The following FHIT variants were observed in gnomAD, a reference collection of about 807,000 sequenced individuals.
The protein encoded by FHIT is fragile histidine triad diadenosine triphosphatase.
FHIT carries 19 observed loss-of-function variants against 17.9 expected under a neutral mutation model. The observed-to-expected ratio is 1.06, with a 90% confidence interval of 0.74 to 1.56. The LOEUF is 1.56. FHIT is among the 40% of genes most tolerant of loss of function. The pLI, the probability that FHIT is intolerant of heterozygous loss-of-function variation, is 0.00. For missense variants in FHIT, 248 were observed against 189.2 expected, an observed-to-expected ratio of 1.31 and a Z score of -1.82; for synonymous variants, 81 against 69.7, an observed-to-expected ratio of 1.16 and a Z score of -0.81.
intron 4 of FHIT, among the ~76,000 whole-genome samples, chr3:60,688,544 G>A (rs537748847): frequency 1.1e-4 from 16 of 151,006 alleles, no homozygotes; most frequent in South Asian, 4.2e-4. Flanking sequence ...TGATTCTCCC[G>A]CCTCAGCCTC....
chr3:60,294,357 G>A (rs1300057141), intron 5 of FHIT, among the ~76,000 whole-genome samples: 1 of 152,158 alleles, frequency 6.6e-6, no homozygotes, highest in Non-Finnish European at 1.5e-5. Flanking sequence ...AGGGACCTCA[G>A]AGATGAATCA....
chr3:61,161,885 C>G (rs1206305655), intron 2 of FHIT, among the ~76,000 whole-genome samples: 1 of 152,216 alleles, frequency 6.6e-6, no homozygotes, highest in Non-Finnish European at 1.5e-5. Flanking sequence ...AATTCTGTCT[C>G]CTTGTACAAT....
chr3:60,315,106 G>A (rs1370205187), intron 5 of FHIT, among the ~76,000 whole-genome samples: 1 of 152,062 alleles, frequency 6.6e-6, no homozygotes, highest in Non-Finnish European at 1.5e-5. Context: ...GAGAGAAAGG[G>A]AAAGATGCCC....
intron 5 of FHIT, among the ~76,000 whole-genome samples, chr3:60,403,980 C>A (rs191012387): frequency 4.6e-5 from 7 of 152,214 alleles, no homozygotes; most frequent in African/African-American, 1.2e-4. Flanking sequence ...ACTTTGCAAA[C>A]CCCCAGCTTT....
chr3:59,907,628 C>T lies in FHIT; in HGVS notation c.348+14718G>A, dbSNP rs577809265. 1.5e-4 allele frequency among the ~76,000 whole-genome samples: 23 copies of T among 152,264 alleles called. No individual in the cohort carries two copies. The East Asian group carries it at 2.9e-3, about 19-fold the overall frequency. ...ATGTGTGTGCATGTGTGCACTGGGG[C>T]AGGGTGTGCTCTACCCTTGCCTTTT... is the stretch of plus-strand genomic sequence containing the variant. On this transcript the variant is annotated intron_variant, in intron 8 of 9. Coordinates refer to ENST00000492590, the MANE Select transcript of FHIT (RefSeq NM_002012.4).
intron 3 of FHIT, among the ~76,000 whole-genome samples, chr3:60,837,349 T>C (rs1354091792): frequency 6.6e-6 from 1 of 152,150 alleles, no homozygotes; most frequent in Non-Finnish European, 1.5e-5. Context: ...ATATTGGTAA[T>C]TTGTGTCTTT....
intron 7 of FHIT, among the ~76,000 whole-genome samples, chr3:60,008,746 A>G (rs1700016368): frequency 1.3e-5 from 2 of 152,226 alleles, no homozygotes; most frequent in Non-Finnish European, 2.9e-5. Context: ...TGAATTCCAA[A>G]ATATGAAATG....
At chr3:61,171,453 C>G (rs1576146207) in intron 2 of FHIT, among the ~76,000 whole-genome samples, 1 of 152,114 alleles carries the variant, frequency 6.6e-6, no homozygotes, top group African/African-American at 2.4e-5. Context: ...CTTTCATTAT[C>G]TCTATAATCT....
chr3:60,102,380 T>C (rs1704230226), intron 5 of FHIT, among the ~76,000 whole-genome samples: 1 of 152,128 alleles, frequency 6.6e-6, no homozygotes, highest in Non-Finnish European at 1.5e-5. Flanking sequence ...AAAGTTCAGG[T>C]GAGACATGGA....
At chr3:60,674,429 G>C (rs2040576623) in intron 4 of FHIT, among the ~76,000 whole-genome samples, 1 of 151,986 alleles carries the variant, frequency 6.6e-6, no homozygotes, top group Admixed American at 6.6e-5. Flanking sequence ...CTGATTAATG[G>C]AGCTTCCTCT....
At chr3:61,192,296 T>A (rs1415213835) in intron 2 of FHIT, among the ~76,000 whole-genome samples, 4 of 152,248 alleles carry the variant, frequency 2.6e-5, no homozygotes, top group Non-Finnish European at 5.9e-5. Context: ...TTTTATTTGG[T>A]GGATTTTCAA....
At chr3:60,849,446 A>G (rs1428217205) in intron 3 of FHIT, among the ~76,000 whole-genome samples, 2 of 96,322 alleles carry the variant, frequency 2.1e-5, no homozygotes, top group Non-Finnish European at 4.8e-5. Flanking sequence ...AATGAAATAT[A>G]TATATATATA....
chr3:60,673,675 A>C (rs2040560354), intron 4 of FHIT, among the ~76,000 whole-genome samples: 1 of 152,154 alleles, frequency 6.6e-6, no homozygotes, highest in African/African-American at 2.4e-5. Context: ...CGTTTCCCAG[A>C]ATTTAAAATA....
At chr3:61,081,027 G>C (rs1440616380) in intron 2 of FHIT, among the ~76,000 whole-genome samples, 1 of 152,132 alleles carries the variant, frequency 6.6e-6, no homozygotes, top group Non-Finnish European at 1.5e-5. Flanking sequence ...GGCCTGGAGA[G>C]AAGCATCTGA....
chr3:60,677,564 T>C (rs1190075149), intron 4 of FHIT, among the ~76,000 whole-genome samples: 1 of 152,192 alleles, frequency 6.6e-6, no homozygotes, highest in Non-Finnish European at 1.5e-5. Context: ...AAATGTGCTG[T>C]ATGTATATAT....
intron 2 of FHIT, among the ~76,000 whole-genome samples, chr3:61,147,704 C>T (rs2037266083): frequency 1.3e-5 from 2 of 151,970 alleles, no homozygotes; most frequent in East Asian, 1.9e-4. Flanking sequence ...AAATGATTCC[C>T]CTACAGTGGC....
chr3:60,795,596 C>A (rs114326675), intron 4 of FHIT, among the ~76,000 whole-genome samples: 8,174 of 151,758 alleles, frequency 0.054, 312 homozygotes, highest in Non-Finnish European at 0.07. Flanking sequence ...CTCACTGCAG[C>A]CTAAACTTCC....
intron 5 of FHIT, among the ~76,000 whole-genome samples, chr3:60,132,219 T>C (rs1176602411): frequency 6.6e-6 from 1 of 152,292 alleles, no homozygotes; most frequent in Non-Finnish European, 1.5e-5. Context: ...TGATTGATCA[T>C]TGTGTTATCC....
rs1222790567 is a variant in FHIT at position 60,667,377 on chromosome 3, A to G, written c.-17-130398T>C. On this transcript the variant is annotated intron_variant, in intron 4 of 9. Transcript: ENST00000492590. ...GTAATTCTACCCTCTCTTATCTCTA[A>G]TTAACAGTAGATAGTCTAACCTATC... Among the ~76,000 whole-genome samples, 5 of 152,038 alleles carry G rather than the reference A, an allele frequency of 3.3e-5. No homozygotes were observed. The East Asian group carries it at 9.7e-4, about 29-fold the overall frequency.
Sources: allele counts gnomAD v4.1 joint callset (sites outside exome capture counted in the v4.1 genomes callset), GRCh38; gene constraint gnomAD v4.1.1; transcripts MANE v1.5; gene names NCBI Gene and HGNC (gene_info 2026-07-23, HGNC 2026-07-21).